Variants in GRID2 observed in about 807,000 individuals in gnomAD.
The protein encoded by GRID2 is glutamate receptor ionotropic, delta-2.
A neutral mutation model predicts 114.8 loss-of-function variants in GRID2; 33 were observed. The observed-to-expected ratio is 0.29, with a 90% CI of 0.22 to 0.38. The LOEUF (loss-of-function observed/expected upper bound fraction) is 0.38. Ranked by LOEUF, GRID2 falls within the 10% of genes least tolerant of loss-of-function variation. GRID2 has a pLI of 1.00. For synonymous variants in GRID2, 505 were observed against 449.9 expected (o/e 1.12, Z -1.55); for missense variants, 1,184 against 1,257.7 (o/e 0.94, Z 0.89).
chr4:92,965,582 G>A (rs933172978), intron 2 of GRID2, among the ~76,000 whole-genome samples: 1 of 149,028 alleles, frequency 6.7e-6, no homozygotes, highest in Non-Finnish European at 1.5e-5. Flanking sequence ...GAGAGTAGAT[G>A]TTTACCTTGC....
chr4:92,572,674 A>T (rs1178885711), intron 1 of GRID2, among the ~76,000 whole-genome samples: 1 of 152,092 alleles, frequency 6.6e-6, no homozygotes, highest in Admixed American at 6.6e-5. Flanking sequence ...CTTGCATCCT[A>T]CTTGATCATG....
chr4:93,111,130 T>G lies in GRID2; in HGVS notation c.735+177T>G, dbSNP rs574125879. ...CACTTATCTCATTTACCCCTTACTG[T>G]CCAGTTAGTTGCTGAGAGTATTTGT... On this transcript the variant is annotated intron_variant, in intron 4 of 15. Transcript: ENST00000282020. Among the ~76,000 whole-genome samples the G allele has an allele frequency of 2.1e-3, 315 of 152,260 alleles. 1 individual carries two copies. The highest frequency in any genetic ancestry group is 3.8e-3 in the Non-Finnish European group (257 of 68,016).
intron 2 of GRID2, among the ~76,000 whole-genome samples, chr4:92,785,471 A>C (rs2149361044): frequency 6.6e-6 from 1 of 151,676 alleles, no homozygotes; most frequent in Non-Finnish European, 1.5e-5. Context: ...TGAGGAGAAA[A>C]AAAATATAAG....
chr4:93,775,119 A>G (rs1305580582), downstream of GRID2, among the ~76,000 whole-genome samples: 2 of 147,536 alleles, frequency 1.4e-5, no homozygotes, highest in Non-Finnish European at 3.0e-5. Context: ...TATATCTGAA[A>G]ATGTATTTTG....
At chr4:92,786,708 G>T (rs1258004700) in intron 2 of GRID2, among the ~76,000 whole-genome samples, 2 of 151,844 alleles carry the variant, frequency 1.3e-5, no homozygotes, top group Non-Finnish European at 2.9e-5. Context: ...AAGAAAAGCT[G>T]TCATTTGATG....
downstream of GRID2, among the ~76,000 whole-genome samples, chr4:93,778,250 T>A (rs1468999215): frequency 2.0e-5 from 3 of 152,204 alleles, no homozygotes; most frequent in African/African-American, 7.2e-5. Flanking sequence ...TTTCCAAAAT[T>A]AGGTTGACTT....
intron 2 of GRID2, among the ~76,000 whole-genome samples, chr4:92,833,216 G>A (rs915581519): frequency 9.9e-5 from 15 of 152,142 alleles, no homozygotes; most frequent in Non-Finnish European, 1.9e-4. Flanking sequence ...CCAGAGAAGC[G>A]GGGGAAGTCT....
chr4:92,484,596 A>G (rs1486217723), intron 1 of GRID2, among the ~76,000 whole-genome samples: 1 of 152,076 alleles, frequency 6.6e-6, no homozygotes, highest in Non-Finnish European at 1.5e-5. Context: ...ATTTTATATA[A>G]TATTTTATAT....
intron 2 of GRID2, among the ~76,000 whole-genome samples, chr4:92,754,785 C>T (rs992849688): frequency 6.6e-6 from 1 of 152,088 alleles, no homozygotes; most frequent in Non-Finnish European, 1.5e-5. Context: ...GAGCAAAATT[C>T]TTTGAATTGG....
At chr4:92,690,900 A>G (rs983713692) in intron 2 of GRID2, among the ~76,000 whole-genome samples, 1 of 151,884 alleles carries the variant, frequency 6.6e-6, no homozygotes, top group Non-Finnish European at 1.5e-5. Context: ...GCTTATTTTT[A>G]TTTTTATTGT....
At chr4:92,961,488 A>C (rs760071843) in intron 2 of GRID2, among the ~76,000 whole-genome samples, 1 of 151,562 alleles carries the variant, frequency 6.6e-6, no homozygotes, top group Non-Finnish European at 1.5e-5. Flanking sequence ...CTTAATATTA[A>C]ATATTTCATT....
chr4:93,162,119 C>G (rs1737745174), intron 4 of GRID2, among the ~76,000 whole-genome samples: 1 of 151,658 alleles, frequency 6.6e-6, no homozygotes, highest in Non-Finnish European at 1.5e-5. Flanking sequence ...GGAAAGCATC[C>G]CATTTGAGGA....
chr4:92,856,902 G>T lies in GRID2; in HGVS notation c.245-228093G>T, dbSNP rs114497057. Among the ~76,000 whole-genome samples the T allele has an allele frequency of 5.9e-3, 899 of 152,162 alleles. 16 individuals carry two copies. The highest frequency in any genetic ancestry group is 0.021 in the African/African-American group (853 of 41,494). ...CTGCAGTGAGCAAGTCTGTCAGTACGTTTTAACAATGAACACGTGCTTACT... is the reference window on the plus strand; with the variant it reads ...CTGCAGTGAGCAAGTCTGTCAGTACTTTTTAACAATGAACACGTGCTTACT... On this transcript the variant is annotated intron_variant, in intron 2 of 15. Coordinates refer to ENST00000282020, the MANE Select transcript of GRID2 (RefSeq NM_001510.4).
At chr4:92,579,165 TA>T (rs1385607362) in intron 1 of GRID2, among the ~76,000 whole-genome samples, 3 of 152,098 alleles carry the variant, frequency 2.0e-5, no homozygotes, top group African/African-American at 7.2e-5. Context: ...ACTTTTATTT[TA>T]TTTTTTTTAA....
Position 93,752,766 on chromosome 4 carries a change from C to T in GRID2, c.2361-16444C>T, listed in dbSNP as rs991273397. Among the ~76,000 whole-genome samples, 2 of 152,144 alleles carry T rather than the reference C, an allele frequency of 1.3e-5. 1 individual carries two copies. The highest frequency in any genetic ancestry group is 2.9e-5 in the Non-Finnish European group (2 of 68,028). ...AAAATTTCCTAAACCTTATCCACACCTCATTATCATTCTTTGACTTCTCTT... is the reference window on the plus strand; with the variant it reads ...AAAATTTCCTAAACCTTATCCACACTTCATTATCATTCTTTGACTTCTCTT... On this transcript the variant is annotated intron_variant, in intron 14 of 15. Transcript: ENST00000282020.
At chr4:92,575,078 A>T (rs1727818819) in intron 1 of GRID2, among the ~76,000 whole-genome samples, 1 of 152,118 alleles carries the variant, frequency 6.6e-6, no homozygotes, top group African/African-American at 2.4e-5. Context: ...AAGTTCAGAA[A>T]GTCTTGCCTC....
At chr4:92,469,484 A>G (rs79779521) in intron 1 of GRID2, among the ~76,000 whole-genome samples, 2 of 152,086 alleles carry the variant, frequency 1.3e-5, no homozygotes, top group African/African-American at 2.4e-5. Context: ...ACCTAAATCA[A>G]TGTAAATGCT....
At chr4:92,455,506 G>A (rs569677250) in intron 1 of GRID2, among the ~76,000 whole-genome samples, 2 of 152,234 alleles carry the variant, frequency 1.3e-5, no homozygotes, top group East Asian at 1.9e-4. Context: ...AGGTCCTTGA[G>A]GAAGTGGTAC....
intron 2 of GRID2, among the ~76,000 whole-genome samples, chr4:92,935,021 AG>A (rs1299969884): frequency 1.4e-5 from 2 of 146,732 alleles, no homozygotes; most frequent in Non-Finnish European, 3.0e-5. Context: ...TGGCAACAAA[AG>A]CCAAAATTGA....
Sources: allele counts gnomAD v4.1 joint callset (sites outside exome capture counted in the v4.1 genomes callset), GRCh38; gene constraint gnomAD v4.1.1; transcripts MANE v1.5; gene names NCBI Gene and HGNC (gene_info 2026-07-23, HGNC 2026-07-21).